RGS3: variants seen among roughly 807,000 people sequenced by gnomAD.
The protein encoded by RGS3 is regulator of G-protein signalling 3.
RGS3 carries 80 observed loss-of-function variants against 132.6 expected under a neutral mutation model. That is an observed-to-expected ratio of 0.60 (90% CI 0.50 to 0.73). RGS3 has a LOEUF of 0.73. Among genes scored for constraint, RGS3 ranks in the 30% least tolerant of loss-of-function variants. The pLI is 0.00. For synonymous variants in RGS3, 598 were observed against 620.6 expected (o/e 0.96, Z 0.54); for missense variants, 1,382 against 1,530.8 (o/e 0.90, Z 1.62).
chr9:113,505,186 GTCCATCCCAGGCCCT>G (rs1831073195), intron 10 of RGS3: 1 of 519,636 alleles, frequency 1.9e-6, no homozygotes, highest in African/African-American at 1.9e-5. Flanking sequence ...CCAAGACCTT[GTCCATCCCAGGCCCT>G]CCCCACATCA....
intron 3 of RGS3, among the ~76,000 whole-genome samples, chr9:113,470,375 G>T (rs1197491449): frequency 6.6e-6 from 1 of 152,090 alleles, no homozygotes; most frequent in African/African-American, 2.4e-5. Context: ...TTGTAAATTT[G>T]TCTATTTCCC....
intron 3 of RGS3, among the ~76,000 whole-genome samples, chr9:113,473,917 G>A (rs2119194695): frequency 6.6e-6 from 1 of 152,284 alleles, no homozygotes; most frequent in East Asian, 1.9e-4. Flanking sequence ...TGTGAATCCT[G>A]TAGGATGTTT....
chr9:113,567,386 C>T (rs145137992), intron 19 of RGS3, among the ~76,000 whole-genome samples: 15 of 152,316 alleles, frequency 9.8e-5, no homozygotes, highest in African/African-American at 3.6e-4. Context: ...ATTCCTTAGT[C>T]GCAAGGACCT....
At chr9:113,518,720 G>A (rs997247193) in intron 16 of RGS3, among the ~76,000 whole-genome samples, 1 of 151,966 alleles carries the variant, frequency 6.6e-6, no homozygotes, top group Non-Finnish European at 1.5e-5. Context: ...CCTCTTTTCC[G>A]AACCTCCTCT....
At position 113,565,611 on chromosome 9, in the gene RGS3, G is replaced by T. The variant is rs980284351; in HGVS notation, c.2038-17839G>T. 1.5e-5 allele frequency: 4 copies of T among 263,578 alleles called. No homozygotes were observed. Among genetic ancestry groups the T allele is most frequent in the South Asian group, 7.0e-5 (2 of 28,550 alleles). 16.3% of individuals were successfully genotyped at this position (263,578 alleles called of 1,614,324 possible). A position where few individuals can be genotyped will look rare whatever the true frequency, so the allele number is the denominator to read the frequency against. ...GGGAAGGCAGCCGCTTGACACGGCCGCCAGGAGCTGCCACAGCCACGGCCG... is the reference window on the plus strand; with the variant it reads ...GGGAAGGCAGCCGCTTGACACGGCCTCCAGGAGCTGCCACAGCCACGGCCG... On this transcript the variant is annotated intron_variant, in intron 19 of 24. Transcript: ENST00000350696. This position sits in a 1 kb window ranked among gnomAD's most constrained non-coding sequence, Gnocchi z 5.7.
At chr9:113,574,818 G>A (rs1834438375) in intron 19 of RGS3, among the ~76,000 whole-genome samples, 1 of 152,212 alleles carries the variant, frequency 6.6e-6, no homozygotes, top group Admixed American at 6.5e-5. Context: ...GGATCCCACA[G>A]GCAGACTGGT....
chr9:113,541,207 T>C (rs947427532), intron 19 of RGS3: 2 of 1,125,220 alleles, frequency 1.8e-6, no homozygotes, highest in Admixed American at 2.2e-5. Flanking sequence ...GAGACAGCCC[T>C]GGAGATGCCA....
chr9:113,471,426 G>A (rs1829826846), intron 3 of RGS3, among the ~76,000 whole-genome samples: 1 of 152,124 alleles, frequency 6.6e-6, no homozygotes, highest in Admixed American at 6.5e-5. Context: ...CCTAGATCCT[G>A]CCTGGTAGCT....
intron 19 of RGS3, among the ~76,000 whole-genome samples, chr9:113,570,542 C>A (rs903422035): frequency 1.4e-5 from 2 of 146,888 alleles, no homozygotes; most frequent in South Asian, 4.3e-4. Context: ...AATGAATTTT[C>A]CACAAAGCGT....
At position 113,583,808 on chromosome 9, in the gene RGS3, AC is replaced by A. The variant is rs1437958850; in HGVS notation, c.2398del (p.Leu800SerfsTer35). The A allele has an allele frequency of 6.2e-7, 1 of 1,612,732 alleles. No individual in the cohort carries two copies. Among genetic ancestry groups the A allele is most frequent in the East Asian group, 2.2e-5 (1 of 44,826 alleles). On this transcript the variant is annotated frameshift_variant, in exon 20 of 25. Transcript: ENST00000350696. LOFTEE classifies it high-confidence loss of function. The stretch of plus-strand genomic sequence containing the variant: ...CACCAGGACCCTCTACTCACCAAAG[AC>A]CTCCCTGCCATCCAGGAATCCCCCA...
At chr9:113,570,281 G>A (rs1031983171) in intron 19 of RGS3, 1 of 152,228 alleles carries the variant, frequency 6.6e-6, no homozygotes, top group Non-Finnish European at 1.5e-5. Context: ...AGCGATGTAG[G>A]TGAGGTGCTT....
chr9:113,509,666 C>T (rs1332561111), intron 14 of RGS3, among the ~76,000 whole-genome samples: 2 of 152,126 alleles, frequency 1.3e-5, no homozygotes, highest in Non-Finnish European at 2.9e-5. Context: ...GGACCGCCTT[C>T]CTTGACAGTG....
intron 7 of RGS3, among the ~76,000 whole-genome samples, chr9:113,491,583 C>T (rs1179905105): frequency 6.6e-6 from 1 of 150,646 alleles, no homozygotes; most frequent in African/African-American, 2.4e-5. Context: ...GAGATGAAGT[C>T]TCTCTCTGTT....
chr9:113,484,330 AAAAAAAAAAAAAAAAAAAACCAAAAC>A (rs374203454), intron 6 of RGS3, 98 bp downstream of exon 4: 39,565 of 481,082 alleles, frequency 0.082, 2,012 homozygotes, highest in Non-Finnish European at 0.091. Flanking sequence ...ATCTATGCAA[AAAAAAAAAAAAAAAAAAAACCAAAAC>A]AAAAAAAACC....
chr9:113,566,672 C>A (rs1018370202), intron 19 of RGS3, among the ~76,000 whole-genome samples: 1 of 152,238 alleles, frequency 6.6e-6, no homozygotes, highest in African/African-American at 2.4e-5. Context: ...ATCTGACCTT[C>A]CTGACCTGAG....
intron 3 of RGS3, among the ~76,000 whole-genome samples, chr9:113,469,135 A>C (rs1325797393): frequency 6.8e-6 from 1 of 148,102 alleles, no homozygotes; most frequent in Non-Finnish European, 1.5e-5. Context: ...CTCTCTTTAG[A>C]AGCCGTGGAG....
At chr9:113,569,636 T>TCCTC (rs1358541306) in intron 19 of RGS3, among the ~76,000 whole-genome samples, 1 of 150,954 alleles carries the variant, frequency 6.6e-6, no homozygotes, top group Non-Finnish European at 1.5e-5. Context: ...CTTCCTTCCT[T>TCCTC]CCTTCCCTCC....
intron 3 of RGS3, among the ~76,000 whole-genome samples, chr9:113,467,359 G>A (rs531567636): frequency 6.6e-6 from 1 of 152,158 alleles, no homozygotes; most frequent in East Asian, 1.9e-4. Context: ...TGTGTATATG[G>A]GTTTTGGTTT....
At chr9:113,508,462 G>A (rs1348184287) in intron 13 of RGS3, 79 bp from the exon 12 acceptor site, 1 of 1,547,820 alleles carries the variant, frequency 6.5e-7, no homozygotes, top group Non-Finnish European at 8.9e-7. Flanking sequence ...CTCCCCTGGG[G>A]CCCCCGTGTC....
Sources: gnomAD v4.1 joint callset for allele counts (sites outside exome capture counted in the v4.1 genomes callset) on GRCh38, gnomAD v4.1.1 for gene constraint, Gnocchi (gnomAD v3.1) non-coding constraint, MANE v1.5 for transcripts, NCBI Gene and HGNC (gene_info 2026-07-23, HGNC 2026-07-21) for gene names.